The following SLC38A12 variants were observed in gnomAD, a reference collection of about 807,000 sequenced individuals.
SLC38A12 encodes putative sodium-coupled neutral amino acid transporter 12.
chr17:74,795,645 G>C, the SLC38A12 span: 28 of 1,607,838 alleles, frequency 1.7e-5, no homozygotes, highest in Non-Finnish European at 2.3e-5. Context: ...GAGTGTCTGT[G>C]CCTCTGTGCC....
the SLC38A12 span, among the ~76,000 whole-genome samples, chr17:74,814,055 C>T: frequency 6.6e-6 from 1 of 152,160 alleles, no homozygotes; most frequent in Non-Finnish European, 1.5e-5. Flanking sequence ...CCACTGTCTC[C>T]AGAAAGTAGG....
chr17:74,780,048 T>G, the SLC38A12 span, among the ~76,000 whole-genome samples: 1 of 152,126 alleles, frequency 6.6e-6, no homozygotes, highest in Non-Finnish European at 1.5e-5. Context: ...CTGAAGTGGT[T>G]GTTGTGTGAT....
the SLC38A12 span, among the ~76,000 whole-genome samples, chr17:74,822,924 G>C: frequency 3.3e-5 from 5 of 152,194 alleles, no homozygotes; most frequent in Non-Finnish European, 5.9e-5. Context: ...AGCCCCTTTT[G>C]GGGGAGGGAC....
At chr17:74,813,404 A>C in the SLC38A12 span, among the ~76,000 whole-genome samples, 1 of 152,212 alleles carries the variant, frequency 6.6e-6, no homozygotes. Flanking sequence ...AGTTGCACAG[A>C]AAGTTCTTAG....
chr17:74,777,129 G>T, the SLC38A12 span: 6 of 640,850 alleles, frequency 9.4e-6, no homozygotes, highest in Admixed American at 2.8e-5. Flanking sequence ...TCCCTCGGGG[G>T]TGAGTCTTGT....
the SLC38A12 span, among the ~76,000 whole-genome samples, chr17:74,788,330 G>A: frequency 6.6e-6 from 1 of 152,224 alleles, no homozygotes. Context: ...TTCCGTGAGT[G>A]TATGTAATTG....
chr17:74,826,549 C>T, the SLC38A12 span, among the ~76,000 whole-genome samples: 4 of 152,212 alleles, frequency 2.6e-5, no homozygotes, highest in Non-Finnish European at 4.4e-5. Context: ...GGGTGAGTTG[C>T]TAGGCAAAGC....
the SLC38A12 span, among the ~76,000 whole-genome samples, chr17:74,815,072 G>A: frequency 6.6e-6 from 1 of 152,180 alleles, no homozygotes; most frequent in Non-Finnish European, 1.5e-5. Flanking sequence ...AGGACGGGGT[G>A]TCAGAGAGGG....
At chr17:74,816,514 C>T in the SLC38A12 span, among the ~76,000 whole-genome samples, 1 of 152,222 alleles carries the variant, frequency 6.6e-6, no homozygotes, top group South Asian at 2.1e-4. Context: ...TCCATCAAGA[C>T]TTCAGCAAGG....
the SLC38A12 span, chr17:74,839,384 G>T: frequency 2.4e-6 from 1 of 419,878 alleles, no homozygotes; most frequent in African/African-American, 2.0e-5. Context: ...GCAGTGGCTG[G>T]CAGTGCCAGG....
chr17:74,824,009 G>T, the SLC38A12 span, among the ~76,000 whole-genome samples: 1 of 152,204 alleles, frequency 6.6e-6, no homozygotes, highest in Admixed American at 6.5e-5. Flanking sequence ...CATCATCTTG[G>T]TCAGCTGCCA....
At chr17:74,793,613 G>C in the SLC38A12 span, among the ~76,000 whole-genome samples, 1 of 152,190 alleles carries the variant, frequency 6.6e-6, no homozygotes, top group African/African-American at 2.4e-5. Context: ...TTTATAAACA[G>C]AGCTGATGCC....
the SLC38A12 span, among the ~76,000 whole-genome samples, chr17:74,829,316 G>T: frequency 6.6e-6 from 1 of 152,146 alleles, no homozygotes. The surrounding 1 kb of genome is among the most constrained non-coding windows in gnomAD (Gnocchi z 4.1). Context: ...TAAGGACGGG[G>T]TTTTGCCATT....
At chr17:74,817,700 G>A in the SLC38A12 span, among the ~76,000 whole-genome samples, 1 of 152,150 alleles carries the variant, frequency 6.6e-6, no homozygotes, top group Non-Finnish European at 1.5e-5. Flanking sequence ...GATGGACAGG[G>A]CCCCTGGAGG....
At chr17:74,776,880 T>G in the SLC38A12 span, among the ~76,000 whole-genome samples, 1 of 152,174 alleles carries the variant, frequency 6.6e-6, no homozygotes, top group Non-Finnish European at 1.5e-5. Context: ...AGACAGTTCC[T>G]TGGGCTCCCA....
At chr17:74,791,014 G>A in the SLC38A12 span, 1 of 1,613,984 alleles carries the variant, frequency 6.2e-7, no homozygotes, top group Non-Finnish European at 8.5e-7. Context: ...TGGGACAAAT[G>A]GCCTCCATGT....
the SLC38A12 span, chr17:74,785,632 G>A: frequency 6.2e-7 from 1 of 1,607,864 alleles, no homozygotes; most frequent in Non-Finnish European, 8.5e-7. Flanking sequence ...TTCCCCACAG[G>A]GGCCAGGAGT....
At chr17:74,791,459 G>T in the SLC38A12 span, among the ~76,000 whole-genome samples, 4 of 152,352 alleles carry the variant, frequency 2.6e-5, no homozygotes, top group East Asian at 7.7e-4. Flanking sequence ...TGGAGGTCAG[G>T]AACCTGAGGC....
the SLC38A12 span, among the ~76,000 whole-genome samples, chr17:74,806,450 T>A: frequency 6.6e-6 from 1 of 152,168 alleles, no homozygotes; most frequent in Non-Finnish European, 1.5e-5. Context: ...GAGCTGTTTT[T>A]GTAGAGAGAT....
Sources: gnomAD v4.1 joint callset for allele counts (sites outside exome capture counted in the v4.1 genomes callset) on GRCh38, gnomAD v4.1.1 for gene constraint, Gnocchi (gnomAD v3.1) non-coding constraint, MANE v1.5 for transcripts, NCBI Gene and HGNC (gene_info 2026-07-23, HGNC 2026-07-21) for gene names.